SGMS2: variants seen among roughly 807,000 people sequenced by gnomAD.
SGMS2 encodes the protein phosphatidylcholine:ceramide cholinephosphotransferase 2.
Under a neutral mutation model 43.8 loss-of-function variants are expected in SGMS2, and 21 were observed. The observed-to-expected ratio is 0.48, with a 90% CI of 0.34 to 0.69. SGMS2 has a LOEUF of 0.69. Among genes scored for constraint, SGMS2 ranks in the 30% least tolerant of loss-of-function variants. SGMS2 has a pLI of 0.01. For missense variants in SGMS2, 384 were observed against 443.2 expected, an observed-to-expected ratio of 0.87 and a Z score of 1.20; for synonymous variants, 167 against 160.6, an observed-to-expected ratio of 1.04 and a Z score of -0.30.
chr4:107,880,085 A>G (rs1729227574), intron 2 of SGMS2, among the ~76,000 whole-genome samples: 5 of 152,180 alleles, frequency 3.3e-5, no homozygotes. Context: ...AGAAATCAAA[A>G]TATCTGCCCT....
At chr4:107,874,129 G>T (rs1728741524) in intron 2 of SGMS2, 1 of 152,126 alleles carries the variant, frequency 6.6e-6, no homozygotes, top group Non-Finnish European at 1.5e-5. Flanking sequence ...CTGTGTTCTA[G>T]GTTTCTGCGA....
At position 107,910,694 on chromosome 4, in the gene SGMS2, A is replaced by G; in HGVS notation, c.*141A>G. 2.8e-6 allele frequency: 2 copies of G among 708,410 alleles called. No individual in the cohort carries two copies. The highest frequency in any genetic ancestry group is 2.3e-6 in the Non-Finnish European group (1 of 431,692). The allele number at this position is 708,410 out of a possible 1,614,324, so 43.9% of individuals were successfully genotyped here. On this transcript the variant is annotated 3_prime_UTR_variant, in exon 7 of 7. Transcript: ENST00000690982. ...TTTGTGTAAACGATTAGAAAGATGA[A>G]CAAAGTATTGCCCTTTGACTGGTTT... is the stretch of plus-strand genomic sequence containing the variant.
In SGMS2 at chr4:107,824,935, G is replaced by C. The variant is rs1578483378; in HGVS notation, c.-645G>C. On this transcript the variant is annotated 5_prime_UTR_variant, in exon 1 of 7. Coordinates refer to ENST00000690982, the MANE Select transcript of SGMS2 (RefSeq NM_001375905.1). ...CGGGCGCGGGGCCGCGGTCAACACT[G>C]AGCGCCGCGCCGTGGGCCGAGTGGG... 1.3e-5 allele frequency: 2 copies of C among 151,486 alleles called. No individual in the cohort carries two copies. The highest frequency in any genetic ancestry group is 4.1e-4 in the South Asian group (2 of 4,850). The allele number at this position is 151,486 out of a possible 1,614,324, so 9.4% of individuals were successfully genotyped here.
Position 107,911,715 on chromosome 4 carries a change from A to G in SGMS2, c.*1162A>G, listed in dbSNP as rs182567152. The G allele has an allele frequency of 6.6e-6, 1 of 152,330 alleles. No homozygotes were observed. Among genetic ancestry groups the G allele is most frequent in the East Asian group, 1.9e-4 (1 of 5,190 alleles). 9.4% of individuals were successfully genotyped at this position (152,330 alleles called of 1,614,324 possible). A position where few individuals can be genotyped will look rare whatever the true frequency, so the allele number is the denominator to read the frequency against. On this transcript the variant is annotated 3_prime_UTR_variant, in exon 7 of 7. Coordinates refer to ENST00000690982, the MANE Select transcript of SGMS2 (RefSeq NM_001375905.1). ...TATGAAAATAACATGGTGCTGCACTATAATATACTCTCGGAATCAGTGTGT... is the reference window on the plus strand; with the variant it reads ...TATGAAAATAACATGGTGCTGCACTGTAATATACTCTCGGAATCAGTGTGT...
chr4:107,872,181 T>A (rs1179031742), intron 2 of SGMS2, among the ~76,000 whole-genome samples: 1 of 152,204 alleles, frequency 6.6e-6, no homozygotes, highest in African/African-American at 2.4e-5. Flanking sequence ...GGAACATAGA[T>A]GTTCCTGATG....
intron 1 of SGMS2, among the ~76,000 whole-genome samples, chr4:107,827,587 A>G (rs375706526): frequency 6.6e-6 from 1 of 152,198 alleles, no homozygotes; most frequent in South Asian, 2.1e-4. Context: ...TTACACAGTA[A>G]AATATTACGG....
In SGMS2 at chr4:107,913,551, A is replaced by G. The variant is rs763031566; in HGVS notation, c.*2998A>G. On this transcript the variant is annotated 3_prime_UTR_variant, in exon 7 of 7. Transcript: ENST00000690982. ...CACCACTTTTAAAAGCCTGTTTTCA[A>G]GTTTTTGAAAGGCATTTGTTTTCTG... The G allele has an allele frequency of 4.6e-5, 7 of 152,174 alleles. No homozygotes were observed. Among genetic ancestry groups the G allele is most frequent in the Non-Finnish European group, 8.8e-5 (6 of 68,016 alleles). The allele number at this position is 152,174 out of a possible 1,614,324, so 9.4% of individuals were successfully genotyped here. A position where few individuals can be genotyped will look rare whatever the true frequency, so the allele number is the denominator to read the frequency against.
chr4:107,903,113 C>G, intron 4 of SGMS2, 120 bp from the exon 5 acceptor site: 2 of 916,888 alleles, frequency 2.2e-6, no homozygotes, highest in South Asian at 3.0e-5. Flanking sequence ...TTTTGACTTT[C>G]TAGGTTAAAA....
intron 1 of SGMS2, among the ~76,000 whole-genome samples, chr4:107,847,432 G>A (rs1182058797): frequency 5.9e-5 from 9 of 151,784 alleles, no homozygotes; most frequent in South Asian, 2.1e-4. Context: ...GTAGATATGC[G>A]GCGTTATTTC....
rs186496226 is a variant in SGMS2 at position 107,858,180 on chromosome 4, G to A, written c.-326-292G>A. On this transcript the variant is annotated intron_variant, in intron 1 of 6. Coordinates refer to ENST00000690982, the MANE Select transcript of SGMS2 (RefSeq NM_001375905.1). ...TCTGTGTGTTCCTGTGTTAGAACGC[G>A]AACATCAGGAGGCAAGGGAATCTGC... 8.6e-4 allele frequency among the ~76,000 whole-genome samples: 131 copies of A among 152,312 alleles called. 1 individual carries two copies. Among genetic ancestry groups the A allele is most frequent in the Middle Eastern group, 6.8e-3 (2 of 294 alleles).
chr4:107,896,061 T>C, intron 3 of SGMS2, 53 bp downstream of exon 3: 4 of 1,490,958 alleles, frequency 2.7e-6, no homozygotes, highest in Non-Finnish European at 3.7e-6. Flanking sequence ...TTTGAGTGAA[T>C]AGATGGGTTA....
At chr4:107,906,275 T>G (rs190972280) in intron 5 of SGMS2, among the ~76,000 whole-genome samples, 5 of 152,300 alleles carry the variant, frequency 3.3e-5, no homozygotes, top group African/African-American at 9.6e-5. Flanking sequence ...AGATTTAAAT[T>G]TAGTTGTGAG....
chr4:107,876,602 T>C (rs1325951341), intron 2 of SGMS2, among the ~76,000 whole-genome samples: 1 of 152,212 alleles, frequency 6.6e-6, no homozygotes, highest in Non-Finnish European at 1.5e-5. Context: ...ATATATACAC[T>C]GGTCTCCATG....
chr4:107,891,212 A>G (rs1730190889), intron 2 of SGMS2, among the ~76,000 whole-genome samples: 1 of 151,220 alleles, frequency 6.6e-6, no homozygotes, highest in Non-Finnish European at 1.5e-5. Flanking sequence ...CTTGTTCCCC[A>G]TAATTTGGAA....
At chr4:107,835,322 G>T (rs890431300) in intron 1 of SGMS2, among the ~76,000 whole-genome samples, 5 of 152,134 alleles carry the variant, frequency 3.3e-5, no homozygotes, top group Non-Finnish European at 7.4e-5. Context: ...AAACCATAGA[G>T]ACAGAATATT....
intron 5 of SGMS2, among the ~76,000 whole-genome samples, chr4:107,905,115 T>C (rs776650161): frequency 3.3e-5 from 5 of 152,180 alleles, no homozygotes; most frequent in Non-Finnish European, 5.9e-5. Context: ...TTTCACACTG[T>C]TGATAAAGAC....
chr4:107,867,705 T>C (rs1728229463), intron 2 of SGMS2: 1 of 152,198 alleles, frequency 6.6e-6, no homozygotes, highest in African/African-American at 2.4e-5. Context: ...TTAAATAAGA[T>C]AATCAAAGCA....
In SGMS2 at chr4:107,912,167, T is replaced by A. The variant is rs1732165607; in HGVS notation, c.*1614T>A. On this transcript the variant is annotated 3_prime_UTR_variant, in exon 7 of 7. Coordinates refer to ENST00000690982, the MANE Select transcript of SGMS2 (RefSeq NM_001375905.1). ...TGCAAATCGTTCAGAAGGGTCAACA[T>A]CCTTTGGTGCTAAAATCTTGTGTAT... 1 of 152,188 alleles carries A rather than the reference T, an allele frequency of 6.6e-6. No homozygotes were observed. The highest frequency in any genetic ancestry group is 1.9e-4 in the East Asian group (1 of 5,198). The allele number at this position is 152,188 out of a possible 1,614,324, so 9.4% of individuals were successfully genotyped here.
chr4:107,875,124 T>C (rs1317308563), intron 2 of SGMS2, among the ~76,000 whole-genome samples: 1 of 152,212 alleles, frequency 6.6e-6, no homozygotes, highest in Non-Finnish European at 1.5e-5. Flanking sequence ...TTGAAAGCAG[T>C]GGCTTATTTA....
Sources: allele counts gnomAD v4.1 joint callset (sites outside exome capture counted in the v4.1 genomes callset), GRCh38; gene constraint gnomAD v4.1.1; transcripts MANE v1.5; gene names NCBI Gene and HGNC (gene_info 2026-07-23, HGNC 2026-07-21).